FGGY: variants seen among roughly 807,000 people sequenced by gnomAD.
FGGY encodes the protein FGGY carbohydrate kinase domain-containing protein.
In FGGY, 72 loss-of-function variants were observed where a neutral mutation model predicts 71.3. The ratio of observed to expected loss-of-function variants is 1.01; its 90% CI spans 0.84 to 1.23. The LOEUF (loss-of-function observed/expected upper bound fraction) is 1.23. Ranked by LOEUF, FGGY falls within the 50% of genes most tolerant of loss-of-function variation. The probability of loss-of-function intolerance (pLI) is 0.00; values close to 1 mark genes in which losing one functional copy is unlikely to be tolerated. For synonymous variants in FGGY, 251 were observed against 250.3 expected, an observed-to-expected ratio of 1.00 and a Z score of -0.02; for missense variants, 668 against 682.3, an observed-to-expected ratio of 0.98 and a Z score of 0.23.
At chr1:59,331,457 C>T (rs191717958) in intron 2 of FGGY, among the ~76,000 whole-genome samples, 1 of 152,220 alleles carries the variant, frequency 6.6e-6, no homozygotes, top group African/African-American at 2.4e-5. Flanking sequence ...CCTCCCAGGA[C>T]CTCTGCGCTC....
At chr1:59,535,943 A>G (rs2153673918) in intron 7 of FGGY, among the ~76,000 whole-genome samples, 1 of 148,472 alleles carries the variant, frequency 6.7e-6, no homozygotes, top group Non-Finnish European at 1.5e-5. Context: ...AAGAGCAAAC[A>G]CATTCAAAAG....
At chr1:59,303,876 A>G (rs756190884) in intron 1 of FGGY, among the ~76,000 whole-genome samples, 1 of 152,080 alleles carries the variant, frequency 6.6e-6, no homozygotes, top group South Asian at 2.1e-4. Flanking sequence ...TCATATACCT[A>G]TTAGGCATTT....
rs146974370 is a variant in FGGY, at chr1:59,391,124, C to G, written c.554+12287C>G. Among the ~76,000 whole-genome samples the G allele has an allele frequency of 5.5e-4, 84 of 152,228 alleles. No individual in the cohort carries two copies. The East Asian group carries it at 0.014, about 26-fold the overall frequency. ...AGGGACCATTTAGAAACCTAGTAAA[C>G]CTGTGGTTCGATGACCTTTTTCTCC... On this transcript the variant is annotated intron_variant, in intron 5 of 15. Transcript: ENST00000303721.
intron 11 of FGGY, among the ~76,000 whole-genome samples, chr1:59,653,375 T>A (rs1477908060): frequency 1.3e-5 from 2 of 152,048 alleles, no homozygotes; most frequent in Admixed American, 6.5e-5. Context: ...TGCAGTTTGA[T>A]CTCAGACTGC....
intron 8 of FGGY, among the ~76,000 whole-genome samples, chr1:59,556,949 C>A (rs954616051): frequency 1.3e-5 from 2 of 152,158 alleles, no homozygotes; most frequent in African/African-American, 4.8e-5. Flanking sequence ...GTCCCCACCC[C>A]CATCCTGCTT....
At chr1:59,432,181 A>G (rs1051829893) in intron 5 of FGGY, among the ~76,000 whole-genome samples, 1 of 152,184 alleles carries the variant, frequency 6.6e-6, no homozygotes, top group Non-Finnish European at 1.5e-5. Context: ...AGGTGCCTGG[A>G]GAGGGCATGA....
rs577283753 is a variant in FGGY at position 59,523,494 on chromosome 1, A to G, written c.799+11055A>G. Among the ~76,000 whole-genome samples the G allele has an allele frequency of 5.9e-5, 9 of 152,322 alleles. No individual in the cohort carries two copies. The South Asian group carries it at 1.9e-3, about 32-fold the overall frequency. On this transcript the variant is annotated intron_variant, in intron 7 of 15. Transcript: ENST00000303721. ...TTTCTCTTAGCTGTGCATTCATATC[A>G]GTCATTGTAAAGAGCAAAGAGAAAT...
intron 14 of FGGY, among the ~76,000 whole-genome samples, chr1:59,752,358 T>C (rs982530969): frequency 1.3e-5 from 2 of 152,182 alleles, no homozygotes; most frequent in Admixed American, 6.5e-5. Flanking sequence ...AGTTCATATA[T>C]AGCTTGTTTC....
intron 7 of FGGY, among the ~76,000 whole-genome samples, chr1:59,516,616 A>G (rs2094660007): frequency 6.6e-6 from 1 of 152,218 alleles, no homozygotes; most frequent in Non-Finnish European, 1.5e-5. Flanking sequence ...AGGATTCACT[A>G]CTTTGTGATT....
chr1:59,739,012 G>A (rs771784498), intron 14 of FGGY, among the ~76,000 whole-genome samples: 2 of 152,166 alleles, frequency 1.3e-5, no homozygotes, highest in Non-Finnish European at 2.9e-5. Flanking sequence ...ACCTGGTCAG[G>A]TACTGCCTTG....
intron 10 of FGGY, among the ~76,000 whole-genome samples, chr1:59,627,489 T>TATATATATATATATATATAC (rs1469493501): frequency 9.7e-5 from 9 of 92,778 alleles, no homozygotes; most frequent in African/African-American, 4.6e-4. Context: ...TATATATATA[T>TATATATATATATATATATAC]ACACACACAC....
At chr1:59,642,383 T>A (rs1282127473) in intron 11 of FGGY, among the ~76,000 whole-genome samples, 1 of 152,096 alleles carries the variant, frequency 6.6e-6, no homozygotes, top group Admixed American at 6.5e-5. Flanking sequence ...TCCCAGCACT[T>A]TGGGAGGCCG....
intron 5 of FGGY, among the ~76,000 whole-genome samples, chr1:59,426,919 A>G: frequency 6.6e-6 from 1 of 151,834 alleles, no homozygotes; most frequent in East Asian, 1.9e-4. Flanking sequence ...ATGCTAATAC[A>G]GCTTTGATTA....
In FGGY at chr1:59,653,295, T is replaced by G. The variant is rs4912404; in HGVS notation, c.1222-6924T>G. 3.0e-3 allele frequency among the ~76,000 whole-genome samples: 464 copies of G among 152,230 alleles called. 4 individuals carry two copies. The highest frequency in any genetic ancestry group is 0.01 in the African/African-American group (417 of 41,528). On this transcript the variant is annotated intron_variant, in intron 11 of 15. Coordinates refer to ENST00000303721, the MANE Select transcript of FGGY (RefSeq NM_018291.5). The stretch of plus-strand genomic sequence containing the variant: ...GTGGACTCCACCCAGTTCGAGCTTT[T>G]GGGCTGCTTTGTTTACCTAAGCAAG...
intron 10 of FGGY, among the ~76,000 whole-genome samples, chr1:59,633,197 A>G (rs2096924610): frequency 6.6e-6 from 1 of 151,970 alleles, no homozygotes; most frequent in African/African-American, 2.4e-5. Context: ...TTTTTAGTAG[A>G]GACGGGGTTT....
chr1:59,682,119 A>T (rs1474499972), intron 14 of FGGY, among the ~76,000 whole-genome samples: 1 of 152,196 alleles, frequency 6.6e-6, no homozygotes, highest in African/African-American at 2.4e-5. Flanking sequence ...ATTTTCTATA[A>T]TATTATAATA....
chr1:59,552,637 A>G (rs2095626167), intron 7 of FGGY, among the ~76,000 whole-genome samples: 1 of 152,168 alleles, frequency 6.6e-6, no homozygotes, highest in African/African-American at 2.4e-5. Flanking sequence ...TTACCTGGCT[A>G]ACTTCTGCAG....
intron 1 of FGGY, chr1:59,316,451 C>T (rs1161272451): frequency 6.6e-6 from 1 of 152,182 alleles, no homozygotes; most frequent in Non-Finnish European, 1.5e-5. Context: ...CGGTTTTTAG[C>T]TCAGTATTTG....
At chr1:59,316,307 G>A (rs1444385901) in intron 1 of FGGY, 1 of 152,196 alleles carries the variant, frequency 6.6e-6, no homozygotes. Flanking sequence ...AAATCCTGGA[G>A]GAGTGGCGCC....
Sources: gnomAD v4.1 joint callset for allele counts (sites outside exome capture counted in the v4.1 genomes callset) on GRCh38, gnomAD v4.1.1 for gene constraint, MANE v1.5 for transcripts, NCBI Gene and HGNC (gene_info 2026-07-23, HGNC 2026-07-21) for gene names.